ZSCAN25: variants seen among roughly 807,000 people sequenced by gnomAD.
ZSCAN25 encodes zinc finger and SCAN domain-containing protein 25.
Under a neutral mutation model 38.7 loss-of-function variants are expected in ZSCAN25, and 27 were observed. The ratio of observed to expected loss-of-function variants is 0.70; its 90% confidence interval spans 0.51 to 0.96. The LOEUF is 0.96. Ranked by LOEUF, ZSCAN25 falls within the 40% of genes least tolerant of loss-of-function variation. The pLI is 0.00. For synonymous variants in ZSCAN25, 273 were observed against 277.7 expected (o/e 0.98, Z 0.17); for missense variants, 637 against 705.9 (o/e 0.90, Z 1.11).
At chr7:99,665,602 A>G in the ZSCAN25 span, among the ~76,000 whole-genome samples, 2 of 152,214 alleles carry the variant, frequency 1.3e-5, no homozygotes, top group African/African-American at 4.8e-5. Context: ...TCAGACAACT[A>G]CAGTAGCATG....
chr7:99,652,694 A>G, the ZSCAN25 span: 52 of 1,614,034 alleles, frequency 3.2e-5, no homozygotes, highest in Non-Finnish European at 4.2e-5. Context: ...CTCAAGTCTA[A>G]TAGCAACTGG....
rs760025309 is a variant in ZSCAN25, at chr7:99,621,327, G to A, written c.388-46G>A. The A allele has an allele frequency of 1.8e-5, 23 of 1,313,314 alleles. No individual in the cohort carries two copies. The Middle Eastern group carries it at 1.0e-3, about 58-fold the overall frequency. The allele number at this position is 1,313,314 out of a possible 1,614,324, so 81.4% of individuals were successfully genotyped here. A position where few individuals can be genotyped will look rare whatever the true frequency, so the allele number is the denominator to read the frequency against. On this transcript the variant is annotated intron_variant, in intron 4 of 7. Transcript: ENST00000394152. Reference sequence around the variant, plus strand: ...TTTTAGTTCAACTCCCTTCATAACAGCCTTGCCCAGGCCTCATTCTAATCG... The same window carrying A: ...TTTTAGTTCAACTCCCTTCATAACAACCTTGCCCAGGCCTCATTCTAATCG...
chr7:99,708,061 C>A, the ZSCAN25 span: 8 of 1,578,528 alleles, frequency 5.1e-6, no homozygotes, highest in Non-Finnish European at 7.0e-6. Context: ...TAGGGCCCAC[C>A]CCTCTACTAG....
At chr7:99,626,355 T>A (rs1014657102) in intron 7 of ZSCAN25, among the ~76,000 whole-genome samples, 2 of 152,000 alleles carry the variant, frequency 1.3e-5, no homozygotes, top group Non-Finnish European at 2.9e-5. Flanking sequence ...GTTTAAAAAT[T>A]TTTTCTGCGC....
the ZSCAN25 span, chr7:99,638,597 C>T: frequency 1.3e-6 from 2 of 1,582,066 alleles, no homozygotes. Context: ...TTGAACTTGA[C>T]ATTTTTGTAA....
At chr7:99,648,241 T>C in the ZSCAN25 span, 80 of 1,573,948 alleles carry the variant, frequency 5.1e-5, no homozygotes, top group East Asian at 1.5e-3. Context: ...TTGACTAAGT[T>C]GAAATCTCTG....
chr7:99,714,988 G>A, the ZSCAN25 span, among the ~76,000 whole-genome samples: 4 of 152,282 alleles, frequency 2.6e-5, no homozygotes, highest in South Asian at 8.3e-4. Flanking sequence ...GGGTCTCTTA[G>A]GATAACCCAA....
At chr7:99,661,536 A>G in the ZSCAN25 span, among the ~76,000 whole-genome samples, 1 of 152,216 alleles carries the variant, frequency 6.6e-6, no homozygotes, top group Non-Finnish European at 1.5e-5. Flanking sequence ...CTCCCTCTTG[A>G]TATTTCTCCT....
the ZSCAN25 span, chr7:99,710,974 A>G: frequency 6.2e-7 from 1 of 1,605,904 alleles, no homozygotes; most frequent in Non-Finnish European, 8.5e-7. Flanking sequence ...TCTAAGTGGA[A>G]CCTTCAAATC....
At chr7:99,733,112 G>T in the ZSCAN25 span, among the ~76,000 whole-genome samples, 2 of 152,206 alleles carry the variant, frequency 1.3e-5, no homozygotes, top group African/African-American at 4.8e-5. Context: ...AATAGTTAGT[G>T]GAAGTGTGTG....
At chr7:99,678,093 C>T in the ZSCAN25 span, among the ~76,000 whole-genome samples, 3 of 152,228 alleles carry the variant, frequency 2.0e-5, no homozygotes, top group Non-Finnish European at 4.4e-5. Flanking sequence ...CTGGTCTACA[C>T]TGCATTTTCT....
At chr7:99,658,416 C>T in the ZSCAN25 span, among the ~76,000 whole-genome samples, 2 of 152,182 alleles carry the variant, frequency 1.3e-5, no homozygotes, top group African/African-American at 4.8e-5. Context: ...GGCCCCCACT[C>T]TCTACTGGCT....
At chr7:99,637,968 G>A in the ZSCAN25 span, among the ~76,000 whole-genome samples, 1 of 152,174 alleles carries the variant, frequency 6.6e-6, no homozygotes, top group Non-Finnish European at 1.5e-5. Context: ...AAGAACTGCT[G>A]TATATCCCCC....
chr7:99,660,214 CTTTTTTTTTTTTTTTT>C, the ZSCAN25 span: 36 of 429,908 alleles, frequency 8.4e-5, no homozygotes, highest in African/African-American at 1.4e-4. Flanking sequence ...CGCCACACTC[CTTTTTTTTTTTTTTTT>C]TTTTTTTTTT....
the ZSCAN25 span, among the ~76,000 whole-genome samples, chr7:99,702,091 C>CTT: frequency 0.028 from 3,874 of 140,084 alleles, 153 homozygotes; most frequent in African/African-American, 0.08. Flanking sequence ...AGATTTCAGT[C>CTT]TTTTTTTTTT....
Position 99,630,399 on chromosome 7 carries a change from T to C in ZSCAN25, c.*379T>C. 1 of 1,038,114 alleles carries C rather than the reference T, an allele frequency of 9.6e-7. No individual in the cohort carries two copies. The highest frequency in any genetic ancestry group is 1.2e-6 in the Non-Finnish European group (1 of 863,404). 64.3% of individuals were successfully genotyped at this position (1,038,114 alleles called of 1,614,324 possible). ...TGAGGGCTCTGTCTTGCCTGCAGGGTCATAGCTCAGACTCTTCCCCCACCC... is the reference window on the plus strand; with the variant it reads ...TGAGGGCTCTGTCTTGCCTGCAGGGCCATAGCTCAGACTCTTCCCCCACCC... On this transcript the variant is annotated 3_prime_UTR_variant, in exon 8 of 8. Transcript: ENST00000394152.
the ZSCAN25 span, chr7:99,650,163 G>C: frequency 6.2e-7 from 1 of 1,614,114 alleles, no homozygotes; most frequent in African/African-American, 1.3e-5. Flanking sequence ...TCATGCCAAT[G>C]CAGTTTCTGG....
the ZSCAN25 span, among the ~76,000 whole-genome samples, chr7:99,693,442 G>C: frequency 2.0e-5 from 3 of 152,248 alleles, no homozygotes; most frequent in Non-Finnish European, 4.4e-5. Context: ...CTGTCAGACA[G>C]GGACGTTTAA....
At chr7:99,628,417 C>G (rs1030984248) in intron 7 of ZSCAN25, among the ~76,000 whole-genome samples, 2 of 152,040 alleles carry the variant, frequency 1.3e-5, no homozygotes, top group Non-Finnish European at 2.9e-5. Context: ...CCTCCCCTTT[C>G]TGTTACTCTT....
Sources: gnomAD v4.1 joint callset for allele counts (sites outside exome capture counted in the v4.1 genomes callset) on GRCh38, gnomAD v4.1.1 for gene constraint, MANE v1.5 for transcripts, NCBI Gene and HGNC (gene_info 2026-07-23, HGNC 2026-07-21) for gene names.